The following CFAP299 variants were observed in gnomAD, a reference collection of about 807,000 sequenced individuals.
The protein encoded by CFAP299 is cilia- and flagella-associated protein 299.
In CFAP299, 21 loss-of-function variants were observed where a neutral mutation model predicts 27.0. That is an observed-to-expected ratio of 0.78 (90% confidence interval 0.55 to 1.12). The LOEUF is 1.12. CFAP299 is among the 50% of genes most tolerant of loss of function. The pLI is 0.00. For synonymous variants in CFAP299, 104 were observed against 98.1 expected (o/e 1.06, Z -0.36); for missense variants, 310 against 276.6 (o/e 1.12, Z -0.86).
chr4:80,536,128 G>A (rs1733727768), intron 2 of CFAP299, among the ~76,000 whole-genome samples: 1 of 152,152 alleles, frequency 6.6e-6, no homozygotes, highest in Admixed American at 6.5e-5. Flanking sequence ...GAAGCAGTGG[G>A]TGGTAGTTAT....
intron 2 of CFAP299, among the ~76,000 whole-genome samples, chr4:80,466,771 T>C: frequency 6.6e-6 from 1 of 152,190 alleles, no homozygotes; most frequent in East Asian, 1.9e-4. Flanking sequence ...CAAGTAATCT[T>C]TTCCACCATA....
chr4:80,755,860 C>G (rs1021165770), intron 3 of CFAP299, among the ~76,000 whole-genome samples: 4 of 152,074 alleles, frequency 2.6e-5, no homozygotes, highest in African/African-American at 9.7e-5. Flanking sequence ...ATGCTGGTCT[C>G]AGTTAGGGCC....
chr4:80,744,133 T>TA (rs1724446468), intron 3 of CFAP299, among the ~76,000 whole-genome samples: 1 of 152,202 alleles, frequency 6.6e-6, no homozygotes, highest in Non-Finnish European at 1.5e-5. Flanking sequence ...TTTCTATTTT[T>TA]AAAAAGATAA....
intron 2 of CFAP299, among the ~76,000 whole-genome samples, chr4:80,543,629 A>G (rs905783755): frequency 1.3e-5 from 2 of 152,248 alleles, no homozygotes. Flanking sequence ...ACTCCTTCAA[A>G]GCAACACAGG....
intron 2 of CFAP299, among the ~76,000 whole-genome samples, chr4:80,569,456 CAA>C (rs1362051153): frequency 6.6e-6 from 1 of 151,456 alleles, no homozygotes; most frequent in African/African-American, 2.4e-5. Flanking sequence ...TAACATAAGA[CAA>C]AAGAAGAAAA....
intron 2 of CFAP299, among the ~76,000 whole-genome samples, chr4:80,550,888 G>A (rs956831260): frequency 5.9e-5 from 9 of 152,002 alleles, no homozygotes; most frequent in Admixed American, 5.9e-4. Context: ...TGCTTAAGGA[G>A]AGCCTTTCAG....
chr4:80,333,456 T>G (rs1458045), upstream of CFAP299, among the ~76,000 whole-genome samples: 130,473 of 152,120 alleles, frequency 0.86, 56,266 homozygotes, highest in African/African-American at 0.95. Flanking sequence ...TCTTAATAGA[T>G]CCTCAAGTTC....
At chr4:80,898,372 C>T (rs915020325) in intron 4 of CFAP299, among the ~76,000 whole-genome samples, 1 of 152,028 alleles carries the variant, frequency 6.6e-6, no homozygotes, top group Non-Finnish European at 1.5e-5. Context: ...TTTCTCTGAA[C>T]TCAAGCTGCT....
chr4:80,415,811 A>G (rs973973252), intron 2 of CFAP299, among the ~76,000 whole-genome samples: 23 of 152,216 alleles, frequency 1.5e-4, no homozygotes, highest in African/African-American at 5.3e-4. Flanking sequence ...GATTTGTAGC[A>G]GTAGAAGTTG....
chr4:80,648,424 C>T (rs1198963208), intron 3 of CFAP299, among the ~76,000 whole-genome samples: 1 of 152,070 alleles, frequency 6.6e-6, no homozygotes, highest in East Asian at 1.9e-4. Context: ...TTTGTATGAT[C>T]CTCTCCTTAA....
intron 2 of CFAP299, among the ~76,000 whole-genome samples, chr4:80,433,791 T>TA (rs1727935194): frequency 6.6e-6 from 1 of 152,180 alleles, no homozygotes; most frequent in Admixed American, 6.5e-5. Context: ...TTTGAAGTTA[T>TA]AATATTACAT....
chr4:80,604,431 C>T (rs938703373), intron 3 of CFAP299, among the ~76,000 whole-genome samples: 2 of 152,084 alleles, frequency 1.3e-5, no homozygotes, highest in Admixed American at 6.6e-5. Flanking sequence ...TCCAGTGCTC[C>T]GCTCTCTAGG....
intron 2 of CFAP299, among the ~76,000 whole-genome samples, chr4:80,413,459 T>A (rs1726834356): frequency 6.6e-6 from 1 of 152,234 alleles, no homozygotes; most frequent in African/African-American, 2.4e-5. Flanking sequence ...GCTTATTACC[T>A]TTAATGAAGC....
intron 4 of CFAP299, among the ~76,000 whole-genome samples, chr4:80,944,316 C>T (rs1737359537): frequency 1.3e-5 from 2 of 151,754 alleles, no homozygotes; most frequent in South Asian, 2.1e-4. Flanking sequence ...ACGTTTGGCT[C>T]ACGGTAACCA....
intron 4 of CFAP299, among the ~76,000 whole-genome samples, chr4:80,898,599 G>C (rs1051452755): frequency 6.6e-6 from 1 of 151,676 alleles, no homozygotes; most frequent in African/African-American, 2.4e-5. Flanking sequence ...CCTAGCTGGG[G>C]ACCCACCCTC....
At chr4:80,442,205 A>T (rs1728392795) in intron 2 of CFAP299, among the ~76,000 whole-genome samples, 2 of 152,198 alleles carry the variant, frequency 1.3e-5, no homozygotes, top group Admixed American at 1.3e-4. Context: ...TGGACCAAGC[A>T]GACCTAATAG....
intron 3 of CFAP299, among the ~76,000 whole-genome samples, chr4:80,586,857 A>T (rs939439615): frequency 1.3e-5 from 2 of 152,184 alleles, no homozygotes; most frequent in African/African-American, 4.8e-5. Flanking sequence ...AATGTTGACT[A>T]TGTAAACAGT....
chr4:80,713,501 A>G (rs444023), intron 3 of CFAP299, among the ~76,000 whole-genome samples: 142,042 of 152,304 alleles, frequency 0.93, 66,309 homozygotes, highest in East Asian at 1. Context: ...TCCCACAAAG[A>G]CATCACCAAT....
intron 2 of CFAP299, among the ~76,000 whole-genome samples, chr4:80,372,891 T>C (rs138097350): frequency 1.2e-3 from 190 of 152,304 alleles, no homozygotes; most frequent in African/African-American, 4.3e-3. Context: ...ATTTCCTAAT[T>C]GAGGCAGAAA....
Sources: allele counts gnomAD v4.1 joint callset (sites outside exome capture counted in the v4.1 genomes callset), GRCh38; gene constraint gnomAD v4.1.1; transcripts MANE v1.5; gene names NCBI Gene and HGNC (gene_info 2026-07-23, HGNC 2026-07-21).